The following PCDHA5 variants were observed in gnomAD, a reference collection of about 807,000 sequenced individuals.
PCDHA5 encodes protocadherin alpha-5.
A neutral mutation model predicts 61.6 loss-of-function variants in PCDHA5; 43 were observed. That is an observed-to-expected ratio of 0.70 (90% confidence interval 0.55 to 0.90). The LOEUF (loss-of-function observed/expected upper bound fraction) is 0.90. Ranked by LOEUF, PCDHA5 falls within the 40% of genes least tolerant of loss-of-function variation. The pLI, the probability that PCDHA5 is intolerant of heterozygous loss-of-function variation, is 0.00. For synonymous variants in PCDHA5, 627 were observed against 543.9 expected (o/e 1.15, Z -2.13); for missense variants, 1,298 against 1,222.7 (o/e 1.06, Z -0.92).
At chr5:140,857,218 T>C (rs2044426953) in intron 1 of PCDHA5, 1 of 1,598,352 alleles carries the variant, frequency 6.3e-7, no homozygotes, top group African/African-American at 1.3e-5. Context: ...CTCTGACGCC[T>C]CACGTTCCGT....
At chr5:140,968,086 A>G (rs2096217656) in intron 1 of PCDHA5, 1 of 1,614,058 alleles carries the variant, frequency 6.2e-7, no homozygotes, top group African/African-American at 1.3e-5. Context: ...TCACGGTGAC[A>G]GCCACAGATG....
chr5:140,858,417 G>A, intron 1 of PCDHA5: 1 of 1,560,448 alleles, frequency 6.4e-7, no homozygotes, highest in Non-Finnish European at 8.7e-7. Context: ...CAGTCTATTG[G>A]AGGGGACCAC....
intron 1 of PCDHA5, chr5:140,852,044 T>C (rs1581270101): frequency 2.2e-6 from 2 of 922,218 alleles, no homozygotes; most frequent in South Asian, 5.0e-5. Context: ...GTTTTTGTTA[T>C]GTGGTTTATA....
intron 1 of PCDHA5, among the ~76,000 whole-genome samples, chr5:140,939,071 G>C (rs1376380334): frequency 2.0e-5 from 3 of 152,140 alleles, no homozygotes; most frequent in African/African-American, 7.2e-5. Context: ...TATCAAAATA[G>C]CATAAACTGG....
In PCDHA5 at chr5:140,857,559, C is replaced by T; in HGVS notation, c.2352+33432C>T. On this transcript the variant is annotated intron_variant, in intron 1 of 3. Transcript: ENST00000529859. The stretch of plus-strand genomic sequence containing the variant: ...CGGCGGTTGGGCGAGCGCTCGCTGT[C>T]GAGCTACGTGTCGGTGCACGCGGAG... 1.3e-6 allele frequency: 2 copies of T among 1,596,876 alleles called. No homozygotes were observed. Among genetic ancestry groups the T allele is most frequent in the South Asian group, 1.1e-5 (1 of 90,494 alleles).
chr5:140,876,212 A>G lies in PCDHA5; in HGVS notation c.2352+52085A>G, dbSNP rs782252921. On this transcript the variant is annotated intron_variant, in intron 1 of 3. Coordinates refer to ENST00000529859, the MANE Select transcript of PCDHA5 (RefSeq NM_018908.3). Reference sequence around the variant, plus strand: ...GGTCCGGCGTTTGATAAGCCCAGCTATAAAGTAGTGTTGTCTGAAAATGTC... The same window carrying G: ...GGTCCGGCGTTTGATAAGCCCAGCTGTAAAGTAGTGTTGTCTGAAAATGTC... 5.6e-6 allele frequency: 9 copies of G among 1,613,994 alleles called. No individual in the cohort carries two copies. In the East Asian group the frequency reaches 2.0e-4, roughly 36 times the overall value.
At chr5:140,983,585 A>G (rs561693645) in intron 3 of PCDHA5, among the ~76,000 whole-genome samples, 18 of 152,338 alleles carry the variant, frequency 1.2e-4, no homozygotes, top group Non-Finnish European at 2.1e-4. Flanking sequence ...TATTACATCT[A>G]TTCTACATAT....
intron 1 of PCDHA5, chr5:140,829,054 C>G: frequency 6.2e-7 from 1 of 1,612,720 alleles, no homozygotes; most frequent in Non-Finnish European, 8.5e-7. Flanking sequence ...TCCTCATTGA[C>G]GCCACGGACA....
chr5:140,926,683 C>A, intron 1 of PCDHA5: 3 of 669,314 alleles, frequency 4.5e-6, no homozygotes, highest in Non-Finnish European at 6.7e-6. Context: ...AGCCTCCAGC[C>A]TAGCAAGCCC....
intron 1 of PCDHA5, among the ~76,000 whole-genome samples, chr5:140,960,717 T>TATTTTAGTCCATG (rs1244851083): frequency 3.3e-5 from 1 of 30,264 alleles, no homozygotes; most frequent in Non-Finnish European, 6.2e-5. Flanking sequence ...ATACTCATCT[T>TATTTTAGTCCATG]ATTTTAGTCC....
At chr5:140,947,647 A>G (rs1192426462) in intron 1 of PCDHA5, among the ~76,000 whole-genome samples, 1 of 151,646 alleles carries the variant, frequency 6.6e-6, no homozygotes, top group African/African-American at 2.4e-5. Flanking sequence ...ATGAACATAT[A>G]TACCTCCATT....
At chr5:140,982,030 C>G (rs2096963361) in intron 2 of PCDHA5, among the ~76,000 whole-genome samples, 1 of 152,196 alleles carries the variant, frequency 6.6e-6, no homozygotes, top group South Asian at 2.1e-4. Flanking sequence ...TGGAACAATA[C>G]TCCAATTATC....
At chr5:140,889,009 C>T (rs1030437186) in intron 1 of PCDHA5, among the ~76,000 whole-genome samples, 7 of 152,128 alleles carry the variant, frequency 4.6e-5, no homozygotes, top group Admixed American at 1.3e-4. Flanking sequence ...GCAAACCAAC[C>T]TCTACTTCCT....
At chr5:140,850,611 G>A (rs1353719119) in intron 1 of PCDHA5, 2 of 1,598,474 alleles carry the variant, frequency 1.3e-6, no homozygotes, top group Non-Finnish European at 1.7e-6. Context: ...CGCCATCTGC[G>A]CGGTGTCTAG....
intron 1 of PCDHA5, chr5:140,883,056 A>G (rs1554176597): frequency 6.2e-7 from 1 of 1,614,176 alleles, no homozygotes; most frequent in Admixed American, 1.7e-5. Context: ...TTAGTGATCA[A>G]GCTAAATGCC....
chr5:140,999,712 C>T (rs1411166924), intron 3 of PCDHA5, among the ~76,000 whole-genome samples: 9 of 152,204 alleles, frequency 5.9e-5, no homozygotes, highest in African/African-American at 9.6e-5. Flanking sequence ...TAGCTAACTA[C>T]GGAGACCAGC....
rs1562279471 is a variant in PCDHA5 at position 140,824,615 on chromosome 5, T to TTTTTTTTTG, written c.2352+496_2352+497insGTTTTTTTT. 4.8e-5 allele frequency: 6 copies of TTTTTTTTTG among 126,010 alleles called. No homozygotes were observed. In the East Asian group the frequency reaches 8.2e-4, roughly 17 times the overall value. The allele number at this position is 126,010 out of a possible 1,614,324, so 7.8% of individuals were successfully genotyped here. ...ACATGCACATGCTAATTAAAGTTTT[T>TTTTTTTTTG]TTTTTTTTTTTTTTTTTATTTTCTG... On this transcript the variant is annotated intron_variant, in intron 1 of 3. Transcript: ENST00000529859.
At chr5:140,850,426 G>T (rs2150483795) in intron 1 of PCDHA5, 2 of 1,597,836 alleles carry the variant, frequency 1.3e-6, no homozygotes, top group Non-Finnish European at 1.7e-6. Flanking sequence ...GACGCACCGC[G>T]CCAGCGCCTA....
chr5:140,950,944 T>C (rs2094535037), intron 1 of PCDHA5, among the ~76,000 whole-genome samples: 1 of 152,090 alleles, frequency 6.6e-6, no homozygotes, highest in Admixed American at 6.5e-5. Flanking sequence ...TCAGATTGGA[T>C]CATTTCTATT....
Sources: allele counts gnomAD v4.1 joint callset (sites outside exome capture counted in the v4.1 genomes callset), GRCh38; gene constraint gnomAD v4.1.1; transcripts MANE v1.5; gene names NCBI Gene and HGNC (gene_info 2026-07-23, HGNC 2026-07-21).